The following CELF2 variants were observed in gnomAD, a reference collection of about 807,000 sequenced individuals.
The protein encoded by CELF2 is CUGBP Elav-like family member 2.
A neutral mutation model predicts 62.6 loss-of-function variants in CELF2; 8 were observed. The observed-to-expected ratio is 0.13, with a 90% CI of 0.07 to 0.23. The LOEUF (loss-of-function observed/expected upper bound fraction) is 0.23. CELF2 is among the 10% of genes least tolerant of loss of function. The pLI, the probability that CELF2 is intolerant of heterozygous loss-of-function variation, is 1.00. For missense variants in CELF2, 333 were observed against 671.0 expected, an observed-to-expected ratio of 0.50 and a Z score of 5.56; for synonymous variants, 258 against 250.0, an observed-to-expected ratio of 1.03 and a Z score of -0.30.
the CELF2 span, among the ~76,000 whole-genome samples, chr10:10,680,891 T>C: frequency 6.6e-6 from 1 of 152,220 alleles, no homozygotes. Context: ...TATAGTTTGG[T>C]TGTGTCCATT....
chr10:11,170,123 ACATGCAGTTTGTT>A (rs1393662415), intron 2 of CELF2, among the ~76,000 whole-genome samples: 2 of 152,178 alleles, frequency 1.3e-5, no homozygotes, highest in African/African-American at 4.8e-5. Flanking sequence ...GGAAGCTTAG[ACATGCAGTTTGTT>A]TGTTCAGCAA....
At chr10:10,616,945 C>T in the CELF2 span, among the ~76,000 whole-genome samples, 1 of 151,886 alleles carries the variant, frequency 6.6e-6, no homozygotes, top group Non-Finnish European at 1.5e-5. Context: ...TTTGTAGAGA[C>T]ATAGTCTCGC....
intron 1 of CELF2, among the ~76,000 whole-genome samples, chr10:11,049,116 T>C (rs2063399703): frequency 9.8e-6 from 1 of 102,166 alleles, no homozygotes; most frequent in Non-Finnish European, 1.8e-5. Flanking sequence ...GAACAAACTG[T>C]TCTGTTAAAA....
intron 1 of CELF2, among the ~76,000 whole-genome samples, chr10:10,886,522 C>A (rs1056869840): frequency 6.6e-6 from 1 of 152,072 alleles, no homozygotes; most frequent in African/African-American, 2.4e-5. Flanking sequence ...TGAACGAGAG[C>A]CTGAACGTGT....
chr10:10,914,546 C>T (rs920780938), intron 1 of CELF2, among the ~76,000 whole-genome samples: 6 of 152,084 alleles, frequency 3.9e-5, no homozygotes, highest in South Asian at 4.1e-4. Flanking sequence ...CTATCTTTTT[C>T]GGGATTTTTT....
chr10:10,754,533 G>T, the CELF2 span, among the ~76,000 whole-genome samples: 1 of 152,192 alleles, frequency 6.6e-6, no homozygotes, highest in Non-Finnish European at 1.5e-5. Flanking sequence ...AAGGAAGCAT[G>T]ATCAGGAAGA....
chr10:11,005,285 AGAGAGAGAGG>A, upstream of CELF2: 5 of 1,591,218 alleles, frequency 3.1e-6, no homozygotes, highest in African/African-American at 1.4e-5. This position sits in a 1 kb window ranked among gnomAD's most constrained non-coding sequence, Gnocchi z 4.3. Flanking sequence ...AGAGAGAGAG[AGAGAGAGAGG>A]GAGGAGAGGG....
chr10:10,977,977 A>G (rs2051549502), intron 2 of CELF2, among the ~76,000 whole-genome samples: 1 of 151,892 alleles, frequency 6.6e-6, no homozygotes, highest in Non-Finnish European at 1.5e-5. Context: ...TATTACATAG[A>G]AGTTAATATA....
chr10:11,205,019 T>A (rs554945539), intron 2 of CELF2, among the ~76,000 whole-genome samples: 1 of 152,348 alleles, frequency 6.6e-6, no homozygotes, highest in African/African-American at 2.4e-5. Flanking sequence ...AGCATACAGT[T>A]GGGGAAAATT....
chr10:11,122,320 A>T (rs17149578), intron 1 of CELF2, among the ~76,000 whole-genome samples: 10,591 of 152,268 alleles, frequency 0.07, 443 homozygotes, highest in African/African-American at 0.1. Context: ...TGCAATAATG[A>T]TGGCAACCAT....
intron 1 of CELF2, among the ~76,000 whole-genome samples, chr10:11,018,389 G>A (rs1006491287): frequency 6.6e-6 from 1 of 151,712 alleles, no homozygotes; most frequent in Admixed American, 6.6e-5. Context: ...AGGGACGAGC[G>A]GAGCGCGGCG....
At chr10:10,909,011 A>G (rs1391154416) in intron 1 of CELF2, among the ~76,000 whole-genome samples, 1 of 151,970 alleles carries the variant, frequency 6.6e-6, no homozygotes, top group Non-Finnish European at 1.5e-5. Context: ...CTGGTCTCGA[A>G]CTCCTGACCT....
Position 11,328,293 on chromosome 10 carries a change from G to A in CELF2, c.1439-633G>A, listed in dbSNP as rs994408907. ...GGCCCAGCACTTCCCTAGTCTCCTT[G>A]GTATTAACTCCAAATGGGTAAAAAT... On this transcript the variant is annotated intron_variant, in intron 12 of 12. Coordinates refer to ENST00000633077, the MANE Select transcript of CELF2 (RefSeq NM_001326342.2). This position sits in a 1 kb window ranked among gnomAD's most constrained non-coding sequence, Gnocchi z 6.4. Among the ~76,000 whole-genome samples the A allele has an allele frequency of 6.6e-6, 1 of 152,164 alleles. No homozygotes were observed. Among genetic ancestry groups the A allele is most frequent in the African/African-American group, 2.4e-5 (1 of 41,428 alleles).
the CELF2 span, among the ~76,000 whole-genome samples, chr10:10,557,965 T>A: frequency 1.4e-5 from 2 of 139,650 alleles, no homozygotes; most frequent in East Asian, 4.2e-4. Flanking sequence ...AGATATACAA[T>A]CATGTCGTCT....
the CELF2 span, among the ~76,000 whole-genome samples, chr10:10,528,444 C>T: frequency 6.6e-6 from 1 of 152,150 alleles, no homozygotes; most frequent in Non-Finnish European, 1.5e-5. Flanking sequence ...ACCTACATAA[C>T]AAGAGGGAAG....
the CELF2 span, among the ~76,000 whole-genome samples, chr10:10,768,102 C>T: frequency 6.7e-6 from 1 of 150,064 alleles, no homozygotes; most frequent in African/African-American, 2.5e-5. Context: ...GGAGGCGGAG[C>T]TTGCCATGAG....
intron 3 of CELF2, among the ~76,000 whole-genome samples, chr10:11,219,495 C>G (rs2064196490): frequency 6.6e-6 from 1 of 152,122 alleles, no homozygotes; most frequent in Non-Finnish European, 1.5e-5. Context: ...TGGTTTTCTC[C>G]TTATCTAGTT....
chr10:10,547,692 A>AGAGAGAGAGTGTGT, the CELF2 span, among the ~76,000 whole-genome samples: 68 of 138,108 alleles, frequency 4.9e-4, no homozygotes, highest in African/African-American at 1.4e-3. Context: ...AGAGAGAGAG[A>AGAGAGAGAGTGTGT]GTGTGTGTGT....
intron 1 of CELF2, among the ~76,000 whole-genome samples, chr10:10,897,322 G>A (rs1375712283): frequency 6.6e-6 from 1 of 152,180 alleles, no homozygotes; most frequent in Non-Finnish European, 1.5e-5. Context: ...AAATGTAGCT[G>A]AATTGCCTTG....
Sources: gnomAD v4.1 joint callset for allele counts (sites outside exome capture counted in the v4.1 genomes callset) on GRCh38, gnomAD v4.1.1 for gene constraint, Gnocchi (gnomAD v3.1) non-coding constraint, MANE v1.5 for transcripts, NCBI Gene and HGNC (gene_info 2026-07-23, HGNC 2026-07-21) for gene names.